EIF4A1: variants seen among roughly 807,000 people sequenced by gnomAD.
EIF4A1 encodes the protein eukaryotic initiation factor 4A-I.
A neutral mutation model predicts 53.5 loss-of-function variants in EIF4A1; 11 were observed. That is an observed-to-expected ratio of 0.21 (90% CI 0.13 to 0.34). The LOEUF (loss-of-function observed/expected upper bound fraction) is 0.34. EIF4A1 is among the 10% of genes least tolerant of loss of function. The probability of loss-of-function intolerance (pLI) is 1.00; values close to 1 mark genes in which losing one functional copy is unlikely to be tolerated. For missense variants in EIF4A1, 213 were observed against 530.8 expected (o/e 0.40, Z 5.88); for synonymous variants, 237 against 186.7 (o/e 1.27, Z -2.20).
At chr17:7,574,090 TCA>T in intron 1 of EIF4A1, 168 bp from the exon 2 acceptor site, 1 of 729,058 alleles carries the variant, frequency 1.4e-6, no homozygotes, top group South Asian at 1.8e-5. Context: ...GGCAAATGCC[TCA>T]GTTTTATAGA....
intron 5 of EIF4A1, 111 bp from the exon 6 acceptor site, chr17:7,576,938 TTGTACTC>T (rs758193593): frequency 1.5e-6 from 2 of 1,377,808 alleles, no homozygotes; most frequent in South Asian, 1.2e-5. Flanking sequence ...GGATCAGTCT[TTGTACTC>T]TGAGAGCAGA....
At chr17:7,574,354 C>A (rs373152201) in intron 2 of EIF4A1, 46 bp downstream of exon 2, 1 of 1,613,782 alleles carries the variant, frequency 6.2e-7, no homozygotes, top group Non-Finnish European at 8.5e-7. Context: ...TTACAACTTT[C>A]AGCCGTATAG....
chr17:7,575,227 T>C lies in EIF4A1; in HGVS notation c.314T>C (p.Val105Ala). Reference protein sequence around the residue: ...ELDLKATQALVLAPTRELAQQ... With the variant: ...ELDLKATQALALAPTRELAQQ... Reference sequence around the variant, plus strand: ...GATCTAAAAGCCACCCAGGCCTTGGTCCTAGCACCCACTCGAGAATTGGCT... The same window carrying C: ...GATCTAAAAGCCACCCAGGCCTTGGCCCTAGCACCCACTCGAGAATTGGCT... Residue 105 changes from valine (V) to alanine (A), a missense_variant, in exon 4 of 11, where the codon GTC becomes GCC. Physicochemically the swap from Val to Ala is moderately conservative, Grantham distance 64 (BLOSUM62 0). Transcript: ENST00000293831. 1 of 1,613,966 alleles carries C rather than the reference T, an allele frequency of 6.2e-7. No homozygotes were observed. The highest frequency in any genetic ancestry group is 8.5e-7 in the Non-Finnish European group (1 of 1,180,032).
chr17:7,574,117 G>A (rs1172736563), intron 1 of EIF4A1, 143 bp from the exon 2 acceptor site: 7 of 913,428 alleles, frequency 7.7e-6, no homozygotes, highest in Non-Finnish European at 3.4e-6. Flanking sequence ...CCTCCTTTGG[G>A]TATTTTTTGG....
At position 7,577,211 on chromosome 17, in the gene EIF4A1, TA is replaced by T. The variant is rs1271294845; in HGVS notation, c.624+48del. Reference sequence around the variant, plus strand: ...ATAGCTAATGATTCTTGAAAAATAGTAAGTGCCAGGGGAACCATATACTGGA... The same window carrying T: ...ATAGCTAATGATTCTTGAAAAATAGTAGTGCCAGGGGAACCATATACTGGA... On this transcript the variant is annotated intron_variant, in intron 6 of 10. Coordinates refer to ENST00000293831, the MANE Select transcript of EIF4A1 (RefSeq NM_001416.4). This position sits in a 1 kb window ranked among gnomAD's most constrained non-coding sequence, Gnocchi z 4.7. The T allele has an allele frequency of 6.4e-7, 1 of 1,566,998 alleles. No individual in the cohort carries two copies. Among genetic ancestry groups the T allele is most frequent in the Non-Finnish European group, 8.6e-7 (1 of 1,160,460 alleles).
At chr17:7,573,334 G>T in intron 1 of EIF4A1, 1 of 214,644 alleles carries the variant, frequency 4.7e-6, no homozygotes, top group South Asian at 6.3e-5. Flanking sequence ...TCACTTCGTC[G>T]CGGCTAAAAC....
chr17:7,574,842 A>G (rs1457751121), intron 3 of EIF4A1, 164 bp downstream of exon 3: 1 of 1,242,154 alleles, frequency 8.1e-7, no homozygotes. Context: ...TGCCTTGGAC[A>G]CATAGGTTTC....
At chr17:7,578,089 T>C (rs777028082) in intron 9 of EIF4A1, 76 bp from the exon 10 acceptor site, 9 of 1,604,590 alleles carry the variant, frequency 5.6e-6, no homozygotes, top group East Asian at 4.5e-5. Flanking sequence ...GCTGCCCACA[T>C]GGATGCCTAA....
rs368029902 is a variant in EIF4A1, at chr17:7,577,505, A to T, written c.768+18A>T. The T allele has an allele frequency of 3.1e-5, 50 of 1,613,696 alleles. No homozygotes were observed. The highest frequency in any genetic ancestry group is 3.6e-5 in the Non-Finnish European group (43 of 1,179,882). On this transcript the variant is annotated intron_variant, in intron 7 of 10. Coordinates refer to ENST00000293831, the MANE Select transcript of EIF4A1 (RefSeq NM_001416.4). The surrounding 1 kb of genome is among the most constrained non-coding windows in gnomAD (Gnocchi z 4.7). ...AACGAGAGGTGGGGCCCAGTGCAGGAGGCGGGCCTGGTAGTGAGTTGTTGG... is the reference window on the plus strand; with the variant it reads ...AACGAGAGGTGGGGCCCAGTGCAGGTGGCGGGCCTGGTAGTGAGTTGTTGG...
Position 7,576,583 on chromosome 17 carries a change from C to A in EIF4A1, c.405C>A (p.Ile135=), listed in dbSNP as rs550885428. The change falls in exon 5 of 11, where the codon ATC becomes ATA. Residue 135 remains isoleucine (I), a synonymous_variant. Coordinates refer to ENST00000293831, the MANE Select transcript of EIF4A1 (RefSeq NM_001416.4). The part of the protein sequence containing the change: ...DYMGASCHAC[I]GGTNVRAEVQ... ...TGGGCGCCTCCTGTCACGCCTGTAT[C>A]GGGGGCACCAACGTGCGTGCTGAGG... The A allele has an allele frequency of 8.1e-6, 13 of 1,613,648 alleles. No homozygotes were observed. In the South Asian group the frequency reaches 1.3e-4, roughly 16 times the overall value.
At chr17:7,575,308 G>C (rs778865985) in intron 4 of EIF4A1, 50 bp downstream of exon 4, 2 of 1,610,748 alleles carry the variant, frequency 1.2e-6, no homozygotes, top group Admixed American at 3.3e-5. Flanking sequence ...GGGATGATGA[G>C]TATAATCCAA....
chr17:7,574,441 GCT>G, intron 2 of EIF4A1, 103 bp from the exon 3 acceptor site: 1 of 1,601,508 alleles, frequency 6.2e-7, no homozygotes, highest in Admixed American at 1.7e-5. Flanking sequence ...AGGGTTGTAA[GCT>G]CTGAGGCTTT....
rs1408118604 is a variant in EIF4A1, at chr17:7,575,240, T to C, written c.327T>C (p.Thr109=). The C allele has an allele frequency of 5.6e-6, 9 of 1,613,902 alleles. No homozygotes were observed. The highest frequency in any genetic ancestry group is 4.5e-5 in the East Asian group (2 of 44,898). ...CCCAGGCCTTGGTCCTAGCACCCACTCGAGAATTGGCTCAGCAGGTAAGAG... is the reference window on the plus strand; with the variant it reads ...CCCAGGCCTTGGTCCTAGCACCCACCCGAGAATTGGCTCAGCAGGTAAGAG... ...KATQALVLAP[T]RELAQQIQKV... The change falls in exon 4 of 11, where the codon ACT becomes ACC. Residue 109 remains threonine, a synonymous_variant. Coordinates refer to ENST00000293831, the MANE Select transcript of EIF4A1 (RefSeq NM_001416.4).
At chr17:7,578,097 TA>T in intron 9 of EIF4A1, 67 bp from the exon 10 acceptor site, 1 of 1,608,626 alleles carries the variant, frequency 6.2e-7, no homozygotes, top group Non-Finnish European at 8.5e-7. Flanking sequence ...CATGGATGCC[TA>T]AGTGTCTTCC....
chr17:7,578,023 C>G (rs764454698), intron 9 of EIF4A1, 107 bp downstream of exon 9: 13 of 1,570,344 alleles, frequency 8.3e-6, no homozygotes, highest in African/African-American at 2.7e-5. Flanking sequence ...GGAATAGAAT[C>G]TGGCATGCCT....
chr17:7,577,152 A>G lies in EIF4A1; in HGVS notation c.611A>G (p.Asn204Ser). The G allele has an allele frequency of 6.2e-7, 1 of 1,601,776 alleles. No individual in the cohort carries two copies. The highest frequency in any genetic ancestry group is 1.1e-5 in the South Asian group (1 of 88,318). Residue 204 changes from asparagine to serine, a missense_variant, in exon 6 of 11, where the codon AAC becomes AGC. Asn to Ser is a conservative substitution (Grantham distance 46, BLOSUM62 1). Transcript: ENST00000293831. The surrounding 1 kb of genome is among the most constrained non-coding windows in gnomAD (Gnocchi z 4.7). ...ATCTATGACATATTCCAAAAGCTCAACAGCAACACCCAGGTGAGGGCAGTC... is the reference window on the plus strand; with the variant it reads ...ATCTATGACATATTCCAAAAGCTCAGCAGCAACACCCAGGTGAGGGCAGTC... ...DQIYDIFQKL[N>S]SNTQVVLLSA... is the part of the protein sequence containing the mutation.
chr17:7,574,402 T>C, intron 2 of EIF4A1, 94 bp downstream of exon 2: 1 of 1,606,458 alleles, frequency 6.2e-7, no homozygotes, highest in Non-Finnish European at 8.5e-7. Context: ...CCAGATCATC[T>C]AGAAGCAGCT....
At position 7,574,984 on chromosome 17, in the gene EIF4A1, T is replaced by C. The variant is rs2071381905; in HGVS notation, c.206-135T>C. 4 of 1,265,596 alleles carry C rather than the reference T, an allele frequency of 3.2e-6. No individual in the cohort carries two copies. The African/African-American group carries it at 4.4e-5, about 14-fold the overall frequency. 78.4% of individuals were successfully genotyped at this position (1,265,596 alleles called of 1,614,324 possible). The stretch of plus-strand genomic sequence containing the variant: ...TGATCTGGTTCCCATTGTGTAACTG[T>C]GTTGATTGGGAAGGTAGTTTGTGAG... On this transcript the variant is annotated intron_variant, in intron 3 of 10. Coordinates refer to ENST00000293831, the MANE Select transcript of EIF4A1 (RefSeq NM_001416.4).
At chr17:7,575,558 G>T in intron 4 of EIF4A1, 1 of 481,740 alleles carries the variant, frequency 2.1e-6, no homozygotes, top group Non-Finnish European at 3.8e-6. Flanking sequence ...TGGTGTGGGG[G>T]TGATCTTACA....
Sources: allele counts gnomAD v4.1 joint callset, GRCh38; gene constraint gnomAD v4.1.1; non-coding constraint Gnocchi (gnomAD v3.1); transcripts MANE v1.5; gene names NCBI Gene and HGNC (gene_info 2026-07-23, HGNC 2026-07-21).